Variants in METTL15 observed in about 807,000 individuals in gnomAD.
METTL15 encodes the protein methyltransferase 15, mitochondrial 12S rRNA N4-cytidine, also known as 12S rRNA N(4)-cytidine methyltransferase METTL15.
METTL15 carries 34 observed loss-of-function variants against 38.3 expected under a neutral mutation model. The observed-to-expected ratio is 0.89, with a 90% CI of 0.68 to 1.18. METTL15 has a LOEUF of 1.18. METTL15 is among the 50% of genes most tolerant of loss of function. The pLI is 0.00. For synonymous variants in METTL15, 162 were observed against 170.9 expected (o/e 0.95, Z 0.41); for missense variants, 438 against 498.4 (o/e 0.88, Z 1.15).
At chr11:28,163,535 C>A in intron 3 of METTL15, 1 of 394,790 alleles carries the variant, frequency 2.5e-6, no homozygotes, top group South Asian at 1.3e-4. Context: ...ACTGATCTCT[C>A]TCTCTCTCTC....
intron 3 of METTL15, among the ~76,000 whole-genome samples, chr11:28,179,403 T>C (rs1851200425): frequency 6.6e-6 from 1 of 151,776 alleles, no homozygotes; most frequent in Non-Finnish European, 1.5e-5. Flanking sequence ...TACCCTCTTG[T>C]AATTACTACT....
intron 5 of METTL15, among the ~76,000 whole-genome samples, chr11:28,405,244 G>A (rs1716760312): frequency 1.3e-5 from 2 of 152,072 alleles, no homozygotes; most frequent in Admixed American, 1.3e-4. Context: ...TTCACAGTCT[G>A]CCAAATATTA....
At chr11:28,140,647 C>A (rs912639140) in intron 3 of METTL15, among the ~76,000 whole-genome samples, 1 of 152,128 alleles carries the variant, frequency 6.6e-6, no homozygotes, top group Non-Finnish European at 1.5e-5. Flanking sequence ...GCCATGTGGA[C>A]ATCAAAGAGT....
chr11:28,283,095 T>A (rs1341635397), intron 4 of METTL15, among the ~76,000 whole-genome samples: 1 of 152,206 alleles, frequency 6.6e-6, no homozygotes, highest in Non-Finnish European at 1.5e-5. Flanking sequence ...AAAGCCTTTA[T>A]TTAATACTAT....
chr11:28,364,705 C>T (rs1850170147), intron 5 of METTL15, among the ~76,000 whole-genome samples: 1 of 152,096 alleles, frequency 6.6e-6, no homozygotes, highest in Admixed American at 6.6e-5. Context: ...CTAGGACTTC[C>T]AGTACTATGT....
intron 3 of METTL15, among the ~76,000 whole-genome samples, chr11:28,209,221 G>A (rs924623142): frequency 6.6e-6 from 1 of 151,930 alleles, no homozygotes; most frequent in Admixed American, 6.6e-5. Context: ...TATCTAAATT[G>A]TTTTATTTAA....
chr11:28,353,915 G>A (rs865961112), intron 4 of METTL15, among the ~76,000 whole-genome samples: 93 of 136,720 alleles, frequency 6.8e-4, no homozygotes, highest in African/African-American at 2.4e-3. Context: ...CTGGGCGACA[G>A]AGCGAGACTC....
intron 4 of METTL15, among the ~76,000 whole-genome samples, chr11:28,360,802 TC>T (rs1334692534): frequency 8.1e-6 from 1 of 123,960 alleles, no homozygotes. Flanking sequence ...GTGCTATTCC[TC>T]CCCCCTCCCC....
At position 28,191,267 on chromosome 11, in the gene METTL15, C is replaced by A. The variant is rs561662504; in HGVS notation, c.271-19795C>A. Among the ~76,000 whole-genome samples the A allele has an allele frequency of 5.1e-4, 76 of 150,372 alleles. 1 individual carries two copies. The highest frequency in any genetic ancestry group is 3.9e-4 in the Non-Finnish European group (26 of 67,206). On this transcript the variant is annotated intron_variant, in intron 3 of 6. Coordinates refer to ENST00000407364, the MANE Select transcript of METTL15 (RefSeq NM_001113528.2). ...TTTTTTTTTCTTATAATATCTTTAT[C>A]TGATTTGAGTATCAAGGTAATTTAA...
At chr11:28,314,126 G>T (rs951611834) in intron 6 of METTL15, among the ~76,000 whole-genome samples, 1 of 152,168 alleles carries the variant, frequency 6.6e-6, no homozygotes, top group African/African-American at 2.4e-5. Flanking sequence ...GGACATCAGA[G>T]AATTGTATAT....
At position 28,109,070 on chromosome 11, in the gene METTL15, T is replaced by TGG. The variant is rs1446065522; in HGVS notation, c.-254+618_-254+619insGG. Among the ~76,000 whole-genome samples the TGG allele has an allele frequency of 3.9e-5, 6 of 152,330 alleles. No individual in the cohort carries two copies. In the East Asian group the frequency reaches 1.2e-3, roughly 29 times the overall value. On this transcript the variant is annotated intron_variant, in intron 1 of 6. Coordinates refer to ENST00000407364, the MANE Select transcript of METTL15 (RefSeq NM_001113528.2). ...AATCAAACTCTTCCCTCTTGGAGCT[T>TGG]ATATTTTGTGGATTCAATATCACTT...
chr11:28,166,769 G>T (rs1442846015), intron 3 of METTL15, among the ~76,000 whole-genome samples: 1 of 152,052 alleles, frequency 6.6e-6, no homozygotes, highest in Non-Finnish European at 1.5e-5. Flanking sequence ...GGCCAACATG[G>T]TGAAAACTGT....
At chr11:28,388,588 T>G (rs1850465764) in intron 5 of METTL15, among the ~76,000 whole-genome samples, 1 of 152,166 alleles carries the variant, frequency 6.6e-6, no homozygotes, top group Non-Finnish European at 1.5e-5. Flanking sequence ...CATTCTGTGT[T>G]CATGGATTAC....
At chr11:28,277,778 A>G (rs1438030964) in intron 4 of METTL15, among the ~76,000 whole-genome samples, 4 of 152,132 alleles carry the variant, frequency 2.6e-5, no homozygotes, top group African/African-American at 9.7e-5. Context: ...TCCTTATCTT[A>G]TTTGAAATAA....
intron 6 of METTL15, among the ~76,000 whole-genome samples, chr11:28,453,922 G>C (rs986078592): frequency 6.6e-6 from 1 of 152,182 alleles, no homozygotes; most frequent in Admixed American, 6.5e-5. Flanking sequence ...CCCATGGGAA[G>C]ATACAGGAAA....
chr11:28,280,966 A>T (rs548063311), intron 4 of METTL15, among the ~76,000 whole-genome samples: 1 of 151,986 alleles, frequency 6.6e-6, no homozygotes, highest in Non-Finnish European at 1.5e-5. Context: ...TGATAACTCT[A>T]TTCTGTATTC....
chr11:28,352,316 A>G (rs1336762508), intron 4 of METTL15, among the ~76,000 whole-genome samples: 1 of 151,952 alleles, frequency 6.6e-6, no homozygotes, highest in African/African-American at 2.4e-5. Context: ...TGACCTGTCT[A>G]CCCCCTAGCC....
At chr11:28,473,810 C>T (rs1851321434) in intron 6 of METTL15, among the ~76,000 whole-genome samples, 1 of 152,086 alleles carries the variant, frequency 6.6e-6, no homozygotes. Flanking sequence ...CACCTGCAGA[C>T]TCTAACCTTG....
intron 6 of METTL15, among the ~76,000 whole-genome samples, chr11:28,457,457 C>A (rs560783200): frequency 1.1e-4 from 16 of 152,244 alleles, no homozygotes; most frequent in Non-Finnish European, 2.2e-4. Flanking sequence ...TTATGCAGAA[C>A]TAGCACAAAT....
Sources: gnomAD v4.1 joint callset for allele counts (sites outside exome capture counted in the v4.1 genomes callset) on GRCh38, gnomAD v4.1.1 for gene constraint, MANE v1.5 for transcripts, NCBI Gene and HGNC (gene_info 2026-07-23, HGNC 2026-07-21) for gene names.